Variants in UBR4 observed in about 807,000 individuals in gnomAD.
UBR4 encodes the protein ubiquitin protein ligase E3 component n-recognin 4.
In UBR4, 124 loss-of-function variants were observed where a neutral mutation model predicts 575.6. The ratio of observed to expected loss-of-function variants is 0.22; its 90% confidence interval spans 0.19 to 0.25. UBR4 has a LOEUF of 0.25. Among genes scored for constraint, UBR4 ranks in the 10% least tolerant of loss-of-function variants. The pLI is 1.00. For synonymous variants in UBR4, 2,455 were observed against 2,473.7 expected (o/e 0.99, Z 0.22); for missense variants, 4,818 against 6,478.8 (o/e 0.74, Z 8.80).
chr1:19,149,926 G>T, intron 49 of UBR4: 4 of 463,712 alleles, frequency 8.6e-6, no homozygotes, highest in East Asian at 8.2e-5. Context: ...AAGGGAGGGA[G>T]GAGGCTGGTG....
rs144748401 is a variant in UBR4, at chr1:19,170,836, G to A, written c.3569C>T (p.Pro1190Leu). 4.0e-4 allele frequency: 652 copies of A among 1,614,162 alleles called. 3 individuals carry two copies. In the African/African-American group the frequency reaches 7.2e-3, roughly 18 times the overall value. The change falls in exon 26 of 106, where the codon CCT becomes CTT. Residue 1190 changes from proline to leucine, a missense_variant. Coordinates refer to ENST00000375254, the MANE Select transcript of UBR4 (RefSeq NM_020765.3). ...AAAGCCTTGCAGTTTCTCCTTGGAA[G>A]GTTTCTCAGTTGTTCCCTCTTCATT... ...NFNEEGTTEKPSKEKLQGFAA... is the reference protein window; with the variant it reads ...NFNEEGTTEKLSKEKLQGFAA...
At chr1:19,136,250 G>A (rs931102847) in intron 60 of UBR4, among the ~76,000 whole-genome samples, 6 of 152,156 alleles carry the variant, frequency 3.9e-5, no homozygotes, top group African/African-American at 1.4e-4. Context: ...ATAAAGAAAT[G>A]TTAGGCACAG....
chr1:19,110,168 GT>G lies in UBR4; in HGVS notation c.12032del (p.Asn4011ThrfsTer7), dbSNP rs1309109669. ...AGATCCTCAGGCACATGAGGGTAAT[GT>G]TTTCAACCACCACAGGAGTCTTAAT... ...VNIKTPVVVE[N>X]ITLMCLRILQ... On this transcript the variant is annotated frameshift_variant, in exon 81 of 106. Transcript: ENST00000375254. LOFTEE classifies it high-confidence loss of function. This position sits in a 1 kb window ranked among gnomAD's most constrained non-coding sequence, Gnocchi z 4.5. The G allele has an allele frequency of 6.2e-7, 1 of 1,614,096 alleles. No homozygotes were observed. The highest frequency in any genetic ancestry group is 1.3e-5 in the African/African-American group (1 of 74,934).
At position 19,180,312 on chromosome 1, in the gene UBR4, C is replaced by T. The variant is rs1272386817; in HGVS notation, c.2185-1092G>A. 2.6e-5 allele frequency among the ~76,000 whole-genome samples: 4 copies of T among 152,070 alleles called. No individual in the cohort carries two copies. In the East Asian group the frequency reaches 7.7e-4, roughly 29 times the overall value. On this transcript the variant is annotated intron_variant, in intron 17 of 105. Transcript: ENST00000375254. ...CAAGCAATTCTTGTGCCTCAGCCTC[C>T]CGAGTAGCTGGGATTACAAGCGTGT...
chr1:19,181,189 C>T (rs527435372), intron 17 of UBR4, among the ~76,000 whole-genome samples: 1 of 151,790 alleles, frequency 6.6e-6, no homozygotes, highest in East Asian at 1.9e-4. Flanking sequence ...GCAGCCTGGG[C>T]GACATAGCGA....
intron 42 of UBR4, 26 bp downstream of exon 42, chr1:19,156,245 A>T: frequency 6.2e-7 from 1 of 1,611,512 alleles, no homozygotes; most frequent in Non-Finnish European, 8.5e-7. Context: ...TTCTAGGACC[A>T]TATCATCAAA....
At chr1:19,137,232 T>C (rs2083299273) in intron 60 of UBR4, among the ~76,000 whole-genome samples, 1 of 151,152 alleles carries the variant, frequency 6.6e-6, no homozygotes, top group Non-Finnish European at 1.5e-5. Flanking sequence ...CCTGGGAGGT[T>C]GAGGCTGCAG....
At chr1:19,108,811 G>C (rs1223462182) in intron 81 of UBR4, among the ~76,000 whole-genome samples, 1 of 152,210 alleles carries the variant, frequency 6.6e-6, no homozygotes, top group African/African-American at 2.4e-5. Context: ...CTGTGAGCCA[G>C]ATTTTAGGAA....
rs933512820 is a variant in UBR4, at chr1:19,196,700, C to G, written c.1018+441G>C. Among the ~76,000 whole-genome samples, 6 of 152,342 alleles carry G rather than the reference C, an allele frequency of 3.9e-5. No homozygotes were observed. The South Asian group carries it at 8.3e-4, about 21-fold the overall frequency. ...GAAGCCTTCTTCAAACCTGATCCCA[C>G]AGCAAGACTCAATCCCTCTCTTCTC... is the stretch of plus-strand genomic sequence containing the variant. On this transcript the variant is annotated intron_variant, in intron 8 of 105. Transcript: ENST00000375254.
intron 26 of UBR4, among the ~76,000 whole-genome samples, chr1:19,170,386 A>G (rs1261660541): frequency 6.6e-6 from 1 of 152,212 alleles, no homozygotes; most frequent in African/African-American, 2.4e-5. Flanking sequence ...GTGACAGGGC[A>G]AGACCCTGCC....
rs773648795 is a variant in UBR4 at position 19,155,037 on chromosome 1, C to T, written c.6339G>A (p.Val2113=). 7 of 1,614,090 alleles carry T rather than the reference C, an allele frequency of 4.3e-6. No homozygotes were observed. In the South Asian group the frequency reaches 7.7e-5, roughly 18 times the overall value. Residue 2113 remains valine, a synonymous_variant, in exon 44 of 106, where the codon GTG becomes GTA. Transcript: ENST00000375254. ...NSQVAGGGVS[V]YYSHVLQMLF... is the part of the protein sequence containing the mutation. Reference sequence around the variant, plus strand: ...ACATCTGCAACACGTGGGAGTAGTACACGGACACACCACCGCCCGCCACCT... The same window carrying T: ...ACATCTGCAACACGTGGGAGTAGTATACGGACACACCACCGCCCGCCACCT...
chr1:19,076,815 C>T lies in UBR4; in HGVS notation c.15412G>A (p.Ala5138Thr). The change falls in exon 105 of 106, where the codon GCC becomes ACC. Residue 5138 changes from alanine (A) to threonine (T), a missense_variant. Physicochemically the swap from Ala to Thr is moderately conservative, Grantham distance 58. This residue lies in a region of UBR4 where 212 missense variants were observed against 221.3 expected (regional missense o/e 0.96). Coordinates refer to ENST00000375254, the MANE Select transcript of UBR4 (RefSeq NM_020765.3). ...RHNDMPIYEA[A>T]DKALKTFQEE... ...TGGAAGGTTTTCAGGGCTTTGTCGGCAGCTTCGTAGATGGGCATGTCGTTG... is the reference window on the plus strand; with the variant it reads ...TGGAAGGTTTTCAGGGCTTTGTCGGTAGCTTCGTAGATGGGCATGTCGTTG... The T allele has an allele frequency of 6.2e-7, 1 of 1,613,696 alleles. No homozygotes were observed. The highest frequency in any genetic ancestry group is 8.5e-7 in the Non-Finnish European group (1 of 1,179,858).
At chr1:19,173,792 C>G (rs1360967943) in intron 22 of UBR4, among the ~76,000 whole-genome samples, 171 bp from the exon 23 acceptor site, 1 of 152,178 alleles carries the variant, frequency 6.6e-6, no homozygotes, top group Non-Finnish European at 1.5e-5. Context: ...GAGAGTGCAC[C>G]TAGCAGAAAA....
intron 81 of UBR4, among the ~76,000 whole-genome samples, chr1:19,109,668 T>C (rs1426679393): frequency 1.3e-5 from 2 of 152,246 alleles, no homozygotes; most frequent in African/African-American, 2.4e-5. Context: ...ATGGGGAAAC[T>C]AAGGAACAAC....
chr1:19,131,528 A>G (rs1004704596), intron 60 of UBR4, among the ~76,000 whole-genome samples: 1 of 152,182 alleles, frequency 6.6e-6, no homozygotes, highest in African/African-American at 2.4e-5. Context: ...TGAAAATCCT[A>G]AGATATAACA....
intron 104 of UBR4, chr1:19,077,706 C>T: frequency 7.5e-7 from 1 of 1,327,948 alleles, no homozygotes. Flanking sequence ...GCACTCCAGC[C>T]TGGGCAACAA....
intron 11 of UBR4, among the ~76,000 whole-genome samples, chr1:19,191,224 C>A (rs934828338): frequency 6.6e-6 from 1 of 152,170 alleles, no homozygotes; most frequent in African/African-American, 2.4e-5. Flanking sequence ...AATCCCAGCA[C>A]TCTAGGAGGC....
At position 19,117,796 on chromosome 1, in the gene UBR4, G is replaced by A; in HGVS notation, c.10629+27C>T. 6.2e-7 allele frequency: 1 copy of A among 1,604,200 alleles called. No homozygotes were observed. The highest frequency in any genetic ancestry group is 8.5e-7 in the Non-Finnish European group (1 of 1,170,992). On this transcript the variant is annotated intron_variant, in intron 72 of 105. Coordinates refer to ENST00000375254, the MANE Select transcript of UBR4 (RefSeq NM_020765.3). This position sits in a 1 kb window ranked among gnomAD's most constrained non-coding sequence, Gnocchi z 4.0. ...ATCCCACTGGACCTATTGGCCTCAG[G>A]ACTGTCCATGTACAGATGTTACTTA... is the stretch of plus-strand genomic sequence containing the variant.
chr1:19,131,260 AAAAAAAAAAT>A (rs2082409251), intron 60 of UBR4, among the ~76,000 whole-genome samples: 1 of 146,440 alleles, frequency 6.8e-6, no homozygotes, highest in Non-Finnish European at 1.5e-5. Flanking sequence ...AAAAAAAAAA[AAAAAAAAAAT>A]AAACACAGCA....
Sources: allele counts gnomAD v4.1 joint callset (sites outside exome capture counted in the v4.1 genomes callset), GRCh38; gene constraint gnomAD v4.1.1; regional missense constraint gnomAD v4.1.1; non-coding constraint Gnocchi (gnomAD v3.1); transcripts MANE v1.5; gene names NCBI Gene and HGNC (gene_info 2026-07-23, HGNC 2026-07-21).